NOL9: variants seen among roughly 807,000 people sequenced by gnomAD.
NOL9 encodes nucleolar protein 9.
In NOL9, 28 loss-of-function variants were observed where a neutral mutation model predicts 67.9. That is an observed-to-expected ratio of 0.41 (90% CI 0.31 to 0.57). The LOEUF (loss-of-function observed/expected upper bound fraction) is 0.57, where lower values mean the gene tolerates loss of function less well. Among genes scored for constraint, NOL9 ranks in the 20% least tolerant of loss-of-function variants. The pLI, the probability that NOL9 is intolerant of heterozygous loss-of-function variation, is 0.25. For synonymous variants in NOL9, 356 were observed against 352.2 expected (o/e 1.01, Z -0.12); for missense variants, 777 against 897.0 (o/e 0.87, Z 1.71).
rs973798101 is a variant in NOL9, at chr1:6,544,807, A to G, written c.977+19T>C. The G allele has an allele frequency of 2.5e-6, 4 of 1,612,980 alleles. No individual in the cohort carries two copies. Among genetic ancestry groups the G allele is most frequent in the African/African-American group, 2.7e-5 (2 of 74,934 alleles). ...AAAAACCTAGCAATGTGTCAAAGCC[A>G]TAAGAAAAGCACTCTTACCTATTTA... On this transcript the variant is annotated intron_variant, in intron 5 of 11. Coordinates refer to ENST00000377705, the MANE Select transcript of NOL9 (RefSeq NM_024654.5).
Position 6,554,466 on chromosome 1 carries a change from A to G in NOL9, c.37T>C (p.Cys13Arg), listed in dbSNP as rs12742808. The G allele has an allele frequency of 0.025, 38,166 of 1,550,308 alleles. 538 individuals carry two copies. Among genetic ancestry groups the G allele is most frequent in the Non-Finnish European group, 0.029 (33,746 of 1,160,368 alleles). The change falls in exon 1 of 12, where the codon TGC (cysteine) becomes CGC (arginine). Residue 13 changes from cysteine (C) to arginine (R), a missense_variant. By Grantham distance (180) the Cys-to-Arg change is radical. Transcript: ENST00000377705. ...CGGACCCGCAGCCAAGTGGAACGGC[A>G]GGAACCCCGCTTTAGCAGCAGTCCC... ...DSGLLLKRGSCRSTWLRVRKA... is the reference protein window; with the variant it reads ...DSGLLLKRGSRRSTWLRVRKA...
At chr1:6,543,095 C>T (rs1570070353) in intron 5 of NOL9, among the ~76,000 whole-genome samples, 1 of 150,944 alleles carries the variant, frequency 6.6e-6, no homozygotes, top group Non-Finnish European at 1.5e-5. Context: ...GGTCTCATTA[C>T]GTTGCCCAGG....
chr1:6,543,578 T>C (rs550200302), intron 5 of NOL9, among the ~76,000 whole-genome samples: 5 of 152,258 alleles, frequency 3.3e-5, no homozygotes, highest in South Asian at 2.1e-4. Context: ...TAGCTCACTG[T>C]AGACTCGAAC....
At chr1:6,549,087 C>CA (rs1389606621) in intron 3 of NOL9, among the ~76,000 whole-genome samples, 3 of 151,422 alleles carry the variant, frequency 2.0e-5, no homozygotes, top group African/African-American at 4.9e-5. Flanking sequence ...CATCTCAAAA[C>CA]AAAGAACAAA....
chr1:6,551,774 G>A (rs1336484382), intron 1 of NOL9, among the ~76,000 whole-genome samples: 2 of 152,078 alleles, frequency 1.3e-5, no homozygotes, highest in African/African-American at 2.4e-5. Flanking sequence ...GCTCACGCCT[G>A]TAATCCCAGC....
At chr1:6,540,426 G>A (rs1393617458) in intron 6 of NOL9, among the ~76,000 whole-genome samples, 1 of 151,996 alleles carries the variant, frequency 6.6e-6, no homozygotes, top group African/African-American at 2.4e-5. Flanking sequence ...CCAGCCGAGA[G>A]TTATTCTTTA....
chr1:6,533,311 A>C lies in NOL9; in HGVS notation c.1206T>G (p.Pro402=). Residue 402 remains proline (P), a synonymous_variant, in exon 7 of 12, where the codon CCT becomes CCG. Transcript: ENST00000377705. ...YVFSAYKRES[P]LIVNTMGWVS... is the part of the protein sequence containing the mutation. ...CCCATCCCATAGTGTTGACGATGAG[A>C]GGGGACTCTCTCTTGTAAGCGCTGA... is the stretch of plus-strand genomic sequence containing the variant. The C allele has an allele frequency of 6.2e-7, 1 of 1,608,806 alleles. No individual in the cohort carries two copies. The highest frequency in any genetic ancestry group is 2.2e-5 in the East Asian group (1 of 44,700).
intron 3 of NOL9, chr1:6,548,660 C>A: frequency 3.9e-6 from 1 of 253,692 alleles, no homozygotes; most frequent in Non-Finnish European, 8.1e-6. Flanking sequence ...AATTAAGACT[C>A]GTTAAAAATT....
At chr1:6,542,077 G>A (rs1036862265) in intron 5 of NOL9, 150 bp from the exon 6 acceptor site, 3 of 468,356 alleles carry the variant, frequency 6.4e-6, no homozygotes, top group Middle Eastern at 5.4e-4. Flanking sequence ...GATGACAATC[G>A]CTGTTTAAAA....
chr1:6,537,739 C>G (rs1639186046), intron 6 of NOL9, among the ~76,000 whole-genome samples: 1 of 151,994 alleles, frequency 6.6e-6, no homozygotes, highest in Admixed American at 6.6e-5. Flanking sequence ...TGGAAAATCT[C>G]AATATCTATA....
chr1:6,541,406 T>G (rs976007137), intron 6 of NOL9, among the ~76,000 whole-genome samples: 1 of 152,190 alleles, frequency 6.6e-6, no homozygotes, highest in African/African-American at 2.4e-5. Context: ...TGTCTCGAAC[T>G]CCCTACCTCA....
intron 3 of NOL9, among the ~76,000 whole-genome samples, chr1:6,545,465 AG>A (rs1335663997): frequency 6.6e-6 from 1 of 152,244 alleles, no homozygotes; most frequent in Non-Finnish European, 1.5e-5. Context: ...GGAAACATTC[AG>A]CAGGAGGCCC....
Position 6,550,517 on chromosome 1 carries a change from G to T in NOL9, c.495C>A (p.Ile165=), listed in dbSNP as rs770372161. 17 of 1,614,016 alleles carry T rather than the reference G, an allele frequency of 1.1e-5. No individual in the cohort carries two copies. Among genetic ancestry groups the T allele is most frequent in the Non-Finnish European group, 1.4e-5 (16 of 1,180,022 alleles). The change falls in exon 2 of 12, where the codon ATC becomes ATA. Residue 165 remains isoleucine, a synonymous_variant. Transcript: ENST00000377705. The part of the protein sequence containing the change: ...TISQGQPAQD[I]FSVYTHSCLS... ...AGCAAGAGTGGGTATACACAGAGAA[G>T]ATGTCTTGGGCAGGCTGGCCTTGGC... is the stretch of plus-strand genomic sequence containing the variant.
At chr1:6,533,722 T>G (rs1437662233) in intron 6 of NOL9, among the ~76,000 whole-genome samples, 1 of 152,236 alleles carries the variant, frequency 6.6e-6, no homozygotes, top group Non-Finnish European at 1.5e-5. Context: ...ACTGCTGGGC[T>G]TGTTCCAGTG....
chr1:6,533,709 C>T (rs1032320114), intron 6 of NOL9, among the ~76,000 whole-genome samples: 4 of 152,214 alleles, frequency 2.6e-5, no homozygotes, highest in African/African-American at 7.2e-5. Context: ...CACAAATCTG[C>T]TAACTGCTGG....
At chr1:6,534,530 G>C (rs963841067) in intron 6 of NOL9, among the ~76,000 whole-genome samples, 1 of 152,172 alleles carries the variant, frequency 6.6e-6, no homozygotes, top group African/African-American at 2.4e-5. Flanking sequence ...TGGGAGCTGC[G>C]AATTCAGCCA....
Position 6,550,278 on chromosome 1 carries a change from G to A in NOL9, c.616+118C>T, listed in dbSNP as rs6683457. The A allele has an allele frequency of 3.4e-3, 2,723 of 800,464 alleles. 37 individuals are homozygous for A. In the African/African-American group the frequency reaches 0.039, roughly 12 times the overall value. The allele number at this position is 800,464 out of a possible 1,614,324, so 49.6% of individuals were successfully genotyped here. The stretch of plus-strand genomic sequence containing the variant: ...GATCTCCTGACCTCATGATCCGCCC[G>A]CCTTGGCCTCCCAAAGTGCTGGGAT... On this transcript the variant is annotated intron_variant, in intron 2 of 11. Transcript: ENST00000377705.
At chr1:6,539,073 A>G (rs2148656337) in intron 6 of NOL9, among the ~76,000 whole-genome samples, 1 of 152,358 alleles carries the variant, frequency 6.6e-6, no homozygotes, top group East Asian at 1.9e-4. Flanking sequence ...CATGCTCAAC[A>G]TCATTAGTCA....
At position 6,526,769 on chromosome 1, in the gene NOL9, G is replaced by C. The variant is rs930244162; in HGVS notation, c.1886C>G (p.Pro629Arg). The C allele has an allele frequency of 6.2e-7, 1 of 1,613,540 alleles. No homozygotes were observed. Among genetic ancestry groups the C allele is most frequent in the Non-Finnish European group, 8.5e-7 (1 of 1,179,692 alleles). Residue 629 changes from proline to arginine, a missense_variant, in exon 11 of 12, where the codon CCG becomes CGG. Around this residue, in one of 2 missense-constraint regions of NOL9, gnomAD observed 413 missense variants for 552.6 expected, o/e 0.75. Coordinates refer to ENST00000377705, the MANE Select transcript of NOL9 (RefSeq NM_024654.5). The part of the protein sequence containing the change: ...RLYHILTPVP[P>R]EELRTVNCLL... Reference sequence around the variant, plus strand: ...ACAATTCACGGTCCTTAGCTCTTCCGGGGGCACAGGGGTGAGGATGTGGTA... The same window carrying C: ...ACAATTCACGGTCCTTAGCTCTTCCCGGGGCACAGGGGTGAGGATGTGGTA...
Sources: gnomAD v4.1 joint callset for allele counts (sites outside exome capture counted in the v4.1 genomes callset) on GRCh38, gnomAD v4.1.1 for gene constraint, gnomAD v4.1.1 regional missense constraint, MANE v1.5 for transcripts, NCBI Gene and HGNC (gene_info 2026-07-23, HGNC 2026-07-21) for gene names.